The following ZNF155 variants were observed in gnomAD, a reference collection of about 807,000 sequenced individuals.
ZNF155 encodes zinc finger protein 155, also known as KRAB A domain.
A neutral mutation model predicts 11.9 loss-of-function variants in ZNF155; 15 were observed. The observed-to-expected ratio is 1.26, with a 90% confidence interval of 0.84 to 1.94. The LOEUF (loss-of-function observed/expected upper bound fraction) is 1.94. Ranked by LOEUF, ZNF155 falls within the 30% of genes most tolerant of loss-of-function variation. The pLI is 0.00. For missense variants in ZNF155, 602 were observed against 639.1 expected (o/e 0.94, Z 0.63); for synonymous variants, 212 against 219.9 (o/e 0.96, Z 0.32).
intron 4 of ZNF155, 34 bp from the exon 5 acceptor site, chr19:43,996,059 C>T: frequency 1.3e-6 from 2 of 1,558,646 alleles, no homozygotes; most frequent in Non-Finnish European, 1.7e-6. Context: ...AAAGGCTTCA[C>T]CTGTACACAT....
At chr19:43,986,111 A>G (rs572043466) in intron 1 of ZNF155, among the ~76,000 whole-genome samples, 33 of 152,346 alleles carry the variant, frequency 2.2e-4, no homozygotes, top group Admixed American at 1.4e-3. Context: ...TTCACTTTTT[A>G]TAAGGATTTT....
Position 43,997,139 on chromosome 19 carries a change from T to C in ZNF155, c.1282T>C (p.Tyr428His), listed in dbSNP as rs775045382. 7 of 1,614,182 alleles carry C rather than the reference T, an allele frequency of 4.3e-6. No individual in the cohort carries two copies. The highest frequency in any genetic ancestry group is 5.9e-6 in the Non-Finnish European group (7 of 1,180,024). The change falls in exon 5 of 5, where the codon TAT (tyrosine) becomes CAT (histidine). Residue 428 changes from tyrosine (Y) to histidine (H), a missense_variant. Coordinates refer to ENST00000270014, the MANE Select transcript of ZNF155 (RefSeq NM_198089.3). ...HQRSHSGEKP[Y>H]KCEECGKGYV... The stretch of plus-strand genomic sequence containing the variant: ...GAGATCCCACAGTGGTGAAAAGCCA[T>C]ATAAATGTGAGGAGTGTGGGAAGGG...
At chr19:43,989,937 A>C in intron 2 of ZNF155, 6 of 808,350 alleles carry the variant, frequency 7.4e-6, no homozygotes, top group Non-Finnish European at 1.1e-5. Flanking sequence ...AAGGAGAAGT[A>C]GAGATGGCCA....
intron 1 of ZNF155, among the ~76,000 whole-genome samples, chr19:43,986,380 C>T (rs1423152481): frequency 2.0e-5 from 3 of 151,032 alleles, no homozygotes; most frequent in Admixed American, 6.6e-5. Context: ...TTTTTAAATA[C>T]TGCTAATAGA....
intron 3 of ZNF155, 82 bp downstream of exon 3, chr19:43,991,756 A>C: frequency 6.2e-7 from 1 of 1,607,026 alleles, no homozygotes; most frequent in Non-Finnish European, 8.5e-7. Context: ...TTGAGTGTGC[A>C]TTGGGAACCT....
rs1975939767 is a variant in ZNF155, at chr19:43,997,357, A to C, written c.1500A>C (p.Lys500Asn). ...GKRLVHRTYR[K>N]DQPRDYSGEN... is the part of the protein sequence containing the mutation. The stretch of plus-strand genomic sequence containing the variant: ...GGCTTGTACACAGGACATACCGTAA[A>C]GACCAGCCGAGAGACTATAGTGGGG... The change falls in exon 5 of 5, where the codon AAA (lysine) becomes AAC (asparagine). Residue 500 changes from lysine (K) to asparagine (N), a missense_variant. Lys to Asn is a moderately conservative substitution (Grantham distance 94). Transcript: ENST00000270014. 1 of 1,613,750 alleles carries C rather than the reference A, an allele frequency of 6.2e-7. No individual in the cohort carries two copies. The highest frequency in any genetic ancestry group is 1.7e-5 in the Admixed American group (1 of 59,990).
chr19:43,985,264 TTGGCCAGGC>T (rs1975396374), intron 1 of ZNF155, among the ~76,000 whole-genome samples: 1 of 152,020 alleles, frequency 6.6e-6, no homozygotes, highest in Admixed American at 6.6e-5. Context: ...TTTCACCATG[TTGGCCAGGC>T]TGGTCTCGAA....
Position 43,996,503 on chromosome 19 carries a change from A to C in ZNF155, c.646A>C (p.Ser216Arg). The C allele has an allele frequency of 6.2e-7, 1 of 1,614,228 alleles. No individual in the cohort carries two copies. The highest frequency in any genetic ancestry group is 8.5e-7 in the Non-Finnish European group (1 of 1,180,026). Residue 216 changes from serine to arginine, a missense_variant, in exon 5 of 5, where the codon AGC becomes CGC. Coordinates refer to ENST00000270014, the MANE Select transcript of ZNF155 (RefSeq NM_198089.3). ...CDVCGKEFSQ[S>R]SHLQTHQRVH... Reference sequence around the variant, plus strand: ...TGTGTGTGGCAAGGAATTTAGTCAAAGCTCACATCTGCAAACTCATCAGAG... The same window carrying C: ...TGTGTGTGGCAAGGAATTTAGTCAACGCTCACATCTGCAAACTCATCAGAG...
intron 2 of ZNF155, chr19:43,990,207 A>AT (rs1207770431): frequency 8.6e-6 from 6 of 699,386 alleles, no homozygotes. Flanking sequence ...TGAAATTATT[A>AT]TTTTAAACAA....
intron 2 of ZNF155, among the ~76,000 whole-genome samples, chr19:43,991,323 GAATA>G (rs1224369628): frequency 6.6e-6 from 1 of 152,176 alleles, no homozygotes; most frequent in Non-Finnish European, 1.5e-5. Context: ...TGAGTGCACA[GAATA>G]AATGTATGAG....
At chr19:43,995,406 CTTTTTT>C (rs60385928) in intron 4 of ZNF155, among the ~76,000 whole-genome samples, 1 of 94,232 alleles carries the variant, frequency 1.1e-5, no homozygotes, top group Non-Finnish European at 2.3e-5. Flanking sequence ...GCATCCAGCA[CTTTTTT>C]TTTTTTTTTT....
chr19:43,996,731 A>G lies in ZNF155; in HGVS notation c.874A>G (p.Ile292Val). The part of the protein sequence containing the change: ...HTGEKPFKCD[I>V]CGKTFYFRSR... Reference sequence around the variant, plus strand: ...TGGGGAGAAACCATTCAAATGTGATATATGTGGTAAGACCTTCTATTTTAG... The same window carrying G: ...TGGGGAGAAACCATTCAAATGTGATGTATGTGGTAAGACCTTCTATTTTAG... Residue 292 changes from isoleucine (I) to valine (V), a missense_variant, in exon 5 of 5, where the codon ATA (isoleucine) becomes GTA (valine). Ile to Val is a conservative substitution (Grantham distance 29). Coordinates refer to ENST00000270014, the MANE Select transcript of ZNF155 (RefSeq NM_198089.3). 3 of 1,614,066 alleles carry G rather than the reference A, an allele frequency of 1.9e-6. No individual in the cohort carries two copies. The highest frequency in any genetic ancestry group is 2.2e-5 in the South Asian group (2 of 91,076).
chr19:43,991,802 A>T, intron 3 of ZNF155, 40 bp from the exon 4 acceptor site: 1 of 1,608,060 alleles, frequency 6.2e-7, no homozygotes, highest in South Asian at 1.1e-5. Context: ...TATTACCCAG[A>T]ATGTGTTGGG....
chr19:43,986,562 G>A lies in ZNF155; in HGVS notation c.-85-1897G>A, dbSNP rs188269219. Among the ~76,000 whole-genome samples the A allele has an allele frequency of 4.7e-5, 7 of 150,406 alleles. No homozygotes were observed. The East Asian group carries it at 1.4e-3, about 30-fold the overall frequency. Reference sequence around the variant, plus strand: ...CCTCCCGGGTTCACACCATTCTCCTGCCCCAGCCTCCTGAGTAGCTGGGAC... The same window carrying A: ...CCTCCCGGGTTCACACCATTCTCCTACCCCAGCCTCCTGAGTAGCTGGGAC... On this transcript the variant is annotated intron_variant, in intron 1 of 4. Coordinates refer to ENST00000270014, the MANE Select transcript of ZNF155 (RefSeq NM_198089.3).
Position 43,996,670 on chromosome 19 carries a change from T to A in ZNF155, c.813T>A (p.His271Gln), listed in dbSNP as rs141333339. The A allele has an allele frequency of 6.2e-7, 1 of 1,613,950 alleles. No homozygotes were observed. The highest frequency in any genetic ancestry group is 2.2e-5 in the East Asian group (1 of 44,828). ...ICEACGKAFI[H>Q]DSQLKEHKRI... ...AGGCATGTGGGAAGGCCTTCATTCA[T>A]GATTCCCAGCTTAAGGAACATAAGA... The change falls in exon 5 of 5, where the codon CAT becomes CAA. Residue 271 changes from histidine to glutamine, a missense_variant. By Grantham distance (24) the His-to-Gln change is conservative. Coordinates refer to ENST00000270014, the MANE Select transcript of ZNF155 (RefSeq NM_198089.3).
chr19:43,991,122 T>C (rs1975642555), intron 2 of ZNF155, among the ~76,000 whole-genome samples: 1 of 152,172 alleles, frequency 6.6e-6, no homozygotes, highest in Non-Finnish European at 1.5e-5. Context: ...ACCTAAAACT[T>C]GTTAGTTTAG....
chr19:43,996,524 C>G lies in ZNF155; in HGVS notation c.667C>G (p.Gln223Glu). ...FSQSSHLQTH[Q>E]RVHTGEKPFK... The stretch of plus-strand genomic sequence containing the variant: ...TCAAAGCTCACATCTGCAAACTCAT[C>G]AGAGAGTCCACACTGGAGAGAAACC... Residue 223 changes from glutamine to glutamate, a missense_variant, in exon 5 of 5, where the codon CAG (glutamine) becomes GAG (glutamate). Transcript: ENST00000270014. 2 of 1,614,184 alleles carry G rather than the reference C, an allele frequency of 1.2e-6. No homozygotes were observed. The highest frequency in any genetic ancestry group is 1.3e-5 in the African/African-American group (1 of 75,060).
At position 43,996,524 on chromosome 19, in the gene ZNF155, C is replaced by T; in HGVS notation, c.667C>T (p.Gln223Ter). Residue 223 changes from glutamine to a stop codon, truncating the protein, a stop_gained, in exon 5 of 5, where the codon CAG becomes TAG. Coordinates refer to ENST00000270014, the MANE Select transcript of ZNF155 (RefSeq NM_198089.3). LOFTEE classifies it low-confidence loss of function (END_TRUNC). ...FSQSSHLQTH[Q>*]RVHTGEKPFK... Reference sequence around the variant, plus strand: ...TCAAAGCTCACATCTGCAAACTCATCAGAGAGTCCACACTGGAGAGAAACC... The same window carrying T: ...TCAAAGCTCACATCTGCAAACTCATTAGAGAGTCCACACTGGAGAGAAACC... 6.2e-7 allele frequency: 1 copy of T among 1,614,184 alleles called. No individual in the cohort carries two copies. Among genetic ancestry groups the T allele is most frequent in the South Asian group, 1.1e-5 (1 of 91,084 alleles).
At chr19:43,987,171 G>C (rs559886694) in intron 1 of ZNF155, among the ~76,000 whole-genome samples, 10 of 152,160 alleles carry the variant, frequency 6.6e-5, no homozygotes, top group Non-Finnish European at 1.3e-4. Flanking sequence ...GTGCTAGATA[G>C]CATATTCCAT....
Sources: gnomAD v4.1 joint callset for allele counts (sites outside exome capture counted in the v4.1 genomes callset) on GRCh38, gnomAD v4.1.1 for gene constraint, MANE v1.5 for transcripts, NCBI Gene and HGNC (gene_info 2026-07-23, HGNC 2026-07-21) for gene names.